Variants in SH3YL1 observed in about 807,000 individuals in gnomAD.
SH3YL1 encodes SH3 domain-containing YSC84-like protein 1.
In SH3YL1, 41 loss-of-function variants were observed where a neutral mutation model predicts 45.8. That is an observed-to-expected ratio of 0.89 (90% CI 0.70 to 1.16). The LOEUF is 1.16. Ranked by LOEUF, SH3YL1 falls within the 50% of genes most tolerant of loss-of-function variation. The pLI is 0.00. For synonymous variants in SH3YL1, 152 were observed against 151.4 expected (o/e 1.00, Z -0.03); for missense variants, 389 against 409.6 (o/e 0.95, Z 0.43).
intron 9 of SH3YL1, among the ~76,000 whole-genome samples, chr2:219,216 C>T (rs1043102197): frequency 5.3e-5 from 8 of 152,272 alleles, no homozygotes; most frequent in Admixed American, 2.0e-4. Context: ...CTTCTGGTTA[C>T]AATCGTCTAA....
intron 9 of SH3YL1, among the ~76,000 whole-genome samples, chr2:220,603 G>A (rs921480539): frequency 2.8e-4 from 43 of 152,226 alleles, no homozygotes; most frequent in African/African-American, 9.9e-4. Context: ...GCCATGCACT[G>A]TGAAAGGAGC....
intron 1 of SH3YL1, chr2:262,608 T>C: frequency 7.7e-7 from 1 of 1,304,274 alleles, no homozygotes; most frequent in Non-Finnish European, 1.0e-6. Flanking sequence ...CAGAGAATTT[T>C]GTCTTATCAT....
intron 4 of SH3YL1, chr2:242,844 G>A: frequency 6.6e-7 from 1 of 1,515,618 alleles, no homozygotes; most frequent in Non-Finnish European, 8.8e-7. Context: ...TCATGCAGAT[G>A]GCAACCTAAG....
chr2:264,263 G>A, upstream of SH3YL1: 1 of 408,210 alleles, frequency 2.4e-6, no homozygotes, highest in Non-Finnish European at 4.3e-6. Context: ...TGTTGGGGGT[G>A]GGGGTCTCAG....
chr2:232,483 TG>T (rs1668092694), intron 6 of SH3YL1, among the ~76,000 whole-genome samples: 1 of 152,000 alleles, frequency 6.6e-6, no homozygotes, highest in African/African-American at 2.4e-5. Flanking sequence ...GGGGTACATG[TG>T]CACAATGTGC....
intron 4 of SH3YL1, chr2:242,741 C>A: frequency 6.7e-7 from 1 of 1,481,592 alleles, no homozygotes; most frequent in African/African-American, 1.4e-5. Context: ...ATAACAACAA[C>A]AACAACAACA....
chr2:251,061 T>C (rs1234789652), intron 2 of SH3YL1, among the ~76,000 whole-genome samples: 1 of 152,204 alleles, frequency 6.6e-6, no homozygotes, highest in Admixed American at 6.5e-5. Flanking sequence ...ATTGGGAATA[T>C]TAGATATTAA....
chr2:255,423 C>T (rs1669273784), intron 1 of SH3YL1, among the ~76,000 whole-genome samples: 1 of 151,790 alleles, frequency 6.6e-6, no homozygotes, highest in Admixed American at 6.6e-5. Context: ...GTGAGACCCC[C>T]ATCTCTACCA....
chr2:232,135 T>C (rs1668075008), intron 6 of SH3YL1, among the ~76,000 whole-genome samples: 1 of 152,204 alleles, frequency 6.6e-6, no homozygotes, highest in African/African-American at 2.4e-5. Context: ...CATATTTTAG[T>C]GGCAATTTGT....
rs928803393 is a variant in SH3YL1 at position 264,029 on chromosome 2, A to G, written c.-45T>C. On this transcript the variant is annotated 5_prime_UTR_variant, in exon 1 of 10. Coordinates refer to ENST00000356150, the MANE Select transcript of SH3YL1 (RefSeq NM_015677.4). ...CGCCCCGTCCCGAGGCTGCCCAGGA[A>G]GAGGAAGGCGCGCTGCCCCGCCCCG... The G allele has an allele frequency of 1.0e-5, 14 of 1,393,424 alleles. No individual in the cohort carries two copies. In the African/African-American group the frequency reaches 2.1e-4, roughly 21 times the overall value. 86.3% of individuals were successfully genotyped at this position (1,393,424 alleles called of 1,614,324 possible).
At chr2:239,573 AT>A (rs1169763261) in intron 4 of SH3YL1, 2 of 152,192 alleles carry the variant, frequency 1.3e-5, no homozygotes, top group Non-Finnish European at 2.9e-5. Context: ...CAACTTAAAA[AT>A]TTTTTATTTT....
At chr2:224,972 T>C (rs1426818274) in intron 8 of SH3YL1, 52 bp from the exon 9 acceptor site, 5 of 1,370,296 alleles carry the variant, frequency 3.6e-6, no homozygotes, top group Middle Eastern at 1.8e-4. Flanking sequence ...GTATATATCA[T>C]ACAAAATACA....
rs770126945 is a variant in SH3YL1 at position 247,537 on chromosome 2, C to T, written c.291+1G>A. ...TGTATGGACGTGCACAAGCTACTTA[C>T]CTCAATTCCTATTTCAAATCCTCCA... On this transcript the variant is annotated splice_donor_variant, in intron 4 of 9. Coordinates refer to ENST00000356150, the MANE Select transcript of SH3YL1 (RefSeq NM_015677.4). LOFTEE classifies it high-confidence loss of function. 5 of 1,551,008 alleles carry T rather than the reference C, an allele frequency of 3.2e-6. No individual in the cohort carries two copies. Among genetic ancestry groups the T allele is most frequent in the Non-Finnish European group, 4.4e-6 (5 of 1,146,534 alleles).
intron 1 of SH3YL1, among the ~76,000 whole-genome samples, chr2:253,796 C>A (rs1208692630): frequency 1.3e-5 from 2 of 152,194 alleles, no homozygotes; most frequent in Admixed American, 6.5e-5. Context: ...AGAACCCTTT[C>A]TTGGGGTCTG....
At chr2:225,913 A>G (rs989716940) in intron 8 of SH3YL1, among the ~76,000 whole-genome samples, 5 of 152,226 alleles carry the variant, frequency 3.3e-5, no homozygotes, top group African/African-American at 4.8e-5. Context: ...TAAAATTATT[A>G]TATCTCAAAG....
chr2:228,849 C>T (rs953655879), intron 8 of SH3YL1, among the ~76,000 whole-genome samples: 1 of 152,160 alleles, frequency 6.6e-6, no homozygotes, highest in African/African-American at 2.4e-5. Context: ...GGGCTCAAAA[C>T]TGGGGAAAAT....
intron 4 of SH3YL1, chr2:241,428 C>T (rs931729604): frequency 6.6e-6 from 1 of 151,986 alleles, no homozygotes; most frequent in Non-Finnish European, 1.5e-5. Flanking sequence ...GGTGCACCAA[C>T]ATATGTGTGA....
At chr2:229,740 A>AT (rs1667948684) in intron 8 of SH3YL1, among the ~76,000 whole-genome samples, 1 of 151,644 alleles carries the variant, frequency 6.6e-6, no homozygotes, top group African/African-American at 2.4e-5. Flanking sequence ...AAAAAAAAAA[A>AT]AAAAAAAAAG....
intron 1 of SH3YL1, among the ~76,000 whole-genome samples, chr2:255,109 T>C (rs1308083637): frequency 1.3e-5 from 2 of 152,350 alleles, no homozygotes; most frequent in African/African-American, 4.8e-5. Flanking sequence ...TCATGGGCTG[T>C]CCTTAACCTT....
Sources: allele counts gnomAD v4.1 joint callset (sites outside exome capture counted in the v4.1 genomes callset), GRCh38; gene constraint gnomAD v4.1.1; transcripts MANE v1.5; gene names NCBI Gene and HGNC (gene_info 2026-07-23, HGNC 2026-07-21).